The following VPS13D variants were observed in gnomAD, a reference collection of about 807,000 sequenced individuals.
VPS13D encodes intermembrane lipid transfer protein VPS13D.
In VPS13D, 187 loss-of-function variants were observed where a neutral mutation model predicts 461.9. The ratio of observed to expected loss-of-function variants is 0.40; its 90% CI spans 0.36 to 0.46. The LOEUF (loss-of-function observed/expected upper bound fraction) is 0.46, where lower values mean the gene tolerates loss of function less well. Ranked by LOEUF, VPS13D falls within the 20% of genes least tolerant of loss-of-function variation. The probability of loss-of-function intolerance (pLI) is 0.60; values close to 1 mark genes in which losing one functional copy is unlikely to be tolerated. For missense variants in VPS13D, 4,711 were observed against 5,364.9 expected, an observed-to-expected ratio of 0.88 and a Z score of 3.81; for synonymous variants, 1,951 against 1,986.3, an observed-to-expected ratio of 0.98 and a Z score of 0.47.
Position 12,321,877 on chromosome 1 carries a change from A to G in VPS13D, c.7617A>G (p.Gln2539=), listed in dbSNP as rs573759467. The change falls in exon 33 of 70, where the codon CAA becomes CAG. Residue 2539 remains glutamine, a synonymous_variant. Transcript: ENST00000620676. ...ALSIVDPVQI[Q]MELVGNSSYQ... is the part of the protein sequence containing the mutation. ...CAATTGTGGATCCCGTACAAATTCA[A>G]ATGGAGTTGGTGGGGAATTCTTCTT... The G allele has an allele frequency of 4.3e-6, 7 of 1,613,672 alleles. No homozygotes were observed. In the South Asian group the frequency reaches 7.7e-5, roughly 18 times the overall value.
rs1553185971 is a variant in VPS13D, at chr1:12,381,982, C to CTTTCTT, written c.11191-993_11191-992insTTCTTT. ...TCTTTCTTTCTTTCTTTCTTTCTTT[C>CTTTCTT]TCTCTCTCTCTCTCCTTCCTTCCTT... On this transcript the variant is annotated intron_variant, in intron 57 of 69. Transcript: ENST00000620676. Among the ~76,000 whole-genome samples the CTTTCTT allele has an allele frequency of 5.3e-3, 654 of 123,766 alleles. 2 individuals are homozygous for CTTTCTT. The highest frequency in any genetic ancestry group is 0.013 in the African/African-American group (397 of 30,966). The allele number at this position is 123,766 out of a possible 152,430, so 81.2% of individuals were successfully genotyped here.
chr1:12,271,721 A>G lies in VPS13D; in HGVS notation c.2103+597A>G, dbSNP rs1463958476. Among the ~76,000 whole-genome samples the G allele has an allele frequency of 4.6e-5, 7 of 152,012 alleles. No homozygotes were observed. The East Asian group carries it at 1.4e-3, about 29-fold the overall frequency. On this transcript the variant is annotated intron_variant, in intron 17 of 69. Coordinates refer to ENST00000620676, the MANE Select transcript of VPS13D (RefSeq NM_015378.4). ...GTTTGTTCCATTTTCCAGACCTGATACTTTGTGCATGTTTCATGTGAGAGT... is the reference window on the plus strand; with the variant it reads ...GTTTGTTCCATTTTCCAGACCTGATGCTTTGTGCATGTTTCATGTGAGAGT...
chr1:12,496,059 G>A (rs1406291313), intron 67 of VPS13D, among the ~76,000 whole-genome samples: 2 of 152,180 alleles, frequency 1.3e-5, no homozygotes, highest in East Asian at 3.8e-4. Context: ...GTAAGCCTGC[G>A]TCTTGAAGGA....
intron 16 of VPS13D, among the ~76,000 whole-genome samples, chr1:12,269,084 T>C (rs1009322586): frequency 5.3e-5 from 8 of 152,254 alleles, no homozygotes; most frequent in African/African-American, 1.9e-4. Context: ...TATCCTTAAA[T>C]ATTTTCTCTT....
intron 65 of VPS13D, among the ~76,000 whole-genome samples, chr1:12,435,040 C>T (rs1557437157): frequency 1.3e-5 from 2 of 152,106 alleles, no homozygotes; most frequent in Admixed American, 6.5e-5. Context: ...CTTAGCCCTG[C>T]GGAATATGTT....
At chr1:12,487,128 C>T (rs933842371) in intron 67 of VPS13D, among the ~76,000 whole-genome samples, 10 of 152,074 alleles carry the variant, frequency 6.6e-5, no homozygotes, top group African/African-American at 2.4e-4. Context: ...TCTTTAAAAA[C>T]CCATGAGTGT....
intron 2 of VPS13D, among the ~76,000 whole-genome samples, chr1:12,235,456 A>G (rs1013955760): frequency 6.6e-6 from 1 of 152,072 alleles, no homozygotes; most frequent in African/African-American, 2.4e-5. Context: ...GGTGCCTGTA[A>G]TCCCACTACT....
chr1:12,425,225 G>A (rs1425692738), intron 65 of VPS13D, among the ~76,000 whole-genome samples: 2 of 152,010 alleles, frequency 1.3e-5, no homozygotes, highest in Non-Finnish European at 2.9e-5. Flanking sequence ...TTTATTCTTA[G>A]GAGAAAGAGG....
chr1:12,276,421 A>G lies in VPS13D; in HGVS notation c.2833A>G (p.Thr945Ala). The change falls in exon 19 of 70, where the codon ACC becomes GCC. Residue 945 changes from threonine (T) to alanine (A), a missense_variant. Coordinates refer to ENST00000620676, the MANE Select transcript of VPS13D (RefSeq NM_015378.4). The surrounding 1 kb of genome is among the most constrained non-coding windows in gnomAD (Gnocchi z 4.5). ...GAGCATTGTGTTGTTGGAGCAGCATACCCGCGAGGTTCTGGTGGAGTCGCA... is the reference window on the plus strand; with the variant it reads ...GAGCATTGTGTTGTTGGAGCAGCATGCCCGCGAGGTTCTGGTGGAGTCGCA... ...TQSIVLLEQHTREVLVESQLL... is the reference protein window; with the variant it reads ...TQSIVLLEQHAREVLVESQLL... 6.2e-7 allele frequency: 1 copy of G among 1,614,138 alleles called. No individual in the cohort carries two copies. The highest frequency in any genetic ancestry group is 8.5e-7 in the Non-Finnish European group (1 of 1,180,028).
At chr1:12,400,501 T>C (rs1340019294) in intron 61 of VPS13D, among the ~76,000 whole-genome samples, 171 bp downstream of exon 61, 1 of 152,202 alleles carries the variant, frequency 6.6e-6, no homozygotes, top group Non-Finnish European at 1.5e-5. Flanking sequence ...AACTCCTCCT[T>C]CTCAGTTGTG....
intron 65 of VPS13D, among the ~76,000 whole-genome samples, chr1:12,442,472 T>G (rs1645143016): frequency 6.6e-6 from 1 of 152,232 alleles, no homozygotes; most frequent in South Asian, 2.1e-4. Context: ...ACAGAAGAGT[T>G]TCAAGTTTCT....
At chr1:12,461,566 G>A (rs938913728) in intron 67 of VPS13D, among the ~76,000 whole-genome samples, 12 of 152,260 alleles carry the variant, frequency 7.9e-5, no homozygotes, top group African/African-American at 2.9e-4. Context: ...GTGGGGAGGG[G>A]CAGGCAGTGA....
intron 65 of VPS13D, among the ~76,000 whole-genome samples, chr1:12,441,581 G>C (rs1316888823): frequency 1.3e-5 from 2 of 152,214 alleles, no homozygotes; most frequent in African/African-American, 4.8e-5. Context: ...GGACCAGGTC[G>C]AAGTTGAGAA....
chr1:12,315,029 C>T (rs779941072), intron 30 of VPS13D, among the ~76,000 whole-genome samples: 1 of 152,180 alleles, frequency 6.6e-6, no homozygotes, highest in Non-Finnish European at 1.5e-5. Context: ...TGGCAGCTGT[C>T]ATTGTTATGC....
At chr1:12,500,099 A>G (rs1295003155) in intron 68 of VPS13D, 2 of 985,268 alleles carry the variant, frequency 2.0e-6, no homozygotes, top group African/African-American at 3.5e-5. Context: ...TTCCCGATGG[A>G]GTGAAAACCC....
intron 67 of VPS13D, among the ~76,000 whole-genome samples, chr1:12,487,299 C>A (rs759408228): frequency 7.9e-5 from 12 of 152,102 alleles, no homozygotes; most frequent in Non-Finnish European, 1.6e-4. Flanking sequence ...GCTGAGTGAA[C>A]AGGCGGTCTT....
At position 12,279,904 on chromosome 1, in the gene VPS13D, T is replaced by C. The variant is rs1269660287; in HGVS notation, c.4602+254T>C. ...GGAAGACGGCAGATTCTTAATTCCA[T>C]TGACATTCAGAAATGGGGAAATGAT... On this transcript the variant is annotated intron_variant, in intron 20 of 69. Coordinates refer to ENST00000620676, the MANE Select transcript of VPS13D (RefSeq NM_015378.4). The surrounding 1 kb of genome is among the most constrained non-coding windows in gnomAD (Gnocchi z 4.3). Among the ~76,000 whole-genome samples, 6 of 152,146 alleles carry C rather than the reference T, an allele frequency of 3.9e-5. No homozygotes were observed. Among genetic ancestry groups the C allele is most frequent in the Non-Finnish European group, 8.8e-5 (6 of 68,020 alleles).
At chr1:12,333,534 G>C (rs1370277465) in intron 38 of VPS13D, among the ~76,000 whole-genome samples, 168 bp downstream of exon 38, 2 of 152,176 alleles carry the variant, frequency 1.3e-5, no homozygotes, top group Non-Finnish European at 2.9e-5. Context: ...TTCTCAACCT[G>C]TTTCTCCACC....
intron 67 of VPS13D, among the ~76,000 whole-genome samples, chr1:12,463,306 A>C (rs888058144): frequency 6.6e-6 from 1 of 152,178 alleles, no homozygotes. Context: ...CAAGTAGGGT[A>C]TATGTTTGGA....
Sources: allele counts gnomAD v4.1 joint callset (sites outside exome capture counted in the v4.1 genomes callset), GRCh38; gene constraint gnomAD v4.1.1; non-coding constraint Gnocchi (gnomAD v3.1); transcripts MANE v1.5; gene names NCBI Gene and HGNC (gene_info 2026-07-23, HGNC 2026-07-21).